Variants in PCCA observed in about 807,000 individuals in gnomAD.
PCCA encodes propionyl-CoA carboxylase subunit alpha.
In PCCA, 74 loss-of-function variants were observed where a neutral mutation model predicts 101.3. The ratio of observed to expected loss-of-function variants is 0.73; its 90% CI spans 0.61 to 0.89. The LOEUF (loss-of-function observed/expected upper bound fraction) is 0.89, where lower values mean the gene tolerates loss of function less well. PCCA is among the 40% of genes least tolerant of loss of function. The pLI, the probability that PCCA is intolerant of heterozygous loss-of-function variation, is 0.00. For missense variants in PCCA, 891 were observed against 907.0 expected (o/e 0.98, Z 0.23); for synonymous variants, 294 against 313.6 (o/e 0.94, Z 0.66).
intron 4 of PCCA, among the ~76,000 whole-genome samples, chr13:100,116,743 T>C (rs574095503): frequency 6.6e-6 from 1 of 152,340 alleles, no homozygotes; most frequent in South Asian, 2.1e-4. Flanking sequence ...TTAGGGTAGA[T>C]AAGGAGTTGG....
chr13:100,273,373 T>C (rs1566840561), intron 12 of PCCA, 27 bp downstream of exon 12: 1 of 1,580,654 alleles, frequency 6.3e-7, no homozygotes, highest in East Asian at 2.2e-5. Flanking sequence ...TTTATTCCTC[T>C]CCATGCCTCT....
chr13:100,254,096 A>G (rs559009632), intron 8 of PCCA, among the ~76,000 whole-genome samples: 99 of 152,220 alleles, frequency 6.5e-4, no homozygotes, highest in African/African-American at 2.3e-3. Flanking sequence ...ATGTCTTAAC[A>G]TGGCACCAGG....
chr13:100,096,638 G>A (rs569142762), intron 1 of PCCA, among the ~76,000 whole-genome samples: 2 of 152,296 alleles, frequency 1.3e-5, no homozygotes, highest in African/African-American at 2.4e-5. Flanking sequence ...AATTGTAAAT[G>A]CAAAGGAAAA....
At chr13:100,283,648 G>C (rs895924629) in intron 12 of PCCA, among the ~76,000 whole-genome samples, 13 of 152,208 alleles carry the variant, frequency 8.5e-5, no homozygotes, top group African/African-American at 3.1e-4. Flanking sequence ...ATTAAACCTG[G>C]CAACCTCGGT....
At chr13:100,511,036 C>T (rs1015411831) in intron 21 of PCCA, among the ~76,000 whole-genome samples, 17 of 152,116 alleles carry the variant, frequency 1.1e-4, no homozygotes, top group African/African-American at 3.9e-4. Context: ...GCGATTGGGC[C>T]CTGTGCAGAA....
chr13:100,355,193 T>C (rs1375046023), intron 18 of PCCA, among the ~76,000 whole-genome samples: 1 of 151,076 alleles, frequency 6.6e-6, no homozygotes, highest in Non-Finnish European at 1.5e-5. Context: ...ATTAATAGAA[T>C]AAGAGAAAAA....
At chr13:100,138,705 C>T (rs573637758) in intron 4 of PCCA, among the ~76,000 whole-genome samples, 241 of 152,026 alleles carry the variant, frequency 1.6e-3, no homozygotes, top group African/African-American at 5.5e-3. Flanking sequence ...GAGGCCGAAG[C>T]GGGTGGATCA....
intron 19 of PCCA, among the ~76,000 whole-genome samples, chr13:100,385,804 G>T (rs561302240): frequency 1.2e-4 from 18 of 152,226 alleles, no homozygotes; most frequent in African/African-American, 3.9e-4. Context: ...TAGAGACAGG[G>T]TTTCACCATG....
chr13:100,527,533 T>C, intron 22 of PCCA, 142 bp from the exon 23 acceptor site: 2 of 700,002 alleles, frequency 2.9e-6, no homozygotes, highest in Admixed American at 2.0e-5. Flanking sequence ...GAGCTTGGAA[T>C]AGGAAACATT....
At chr13:100,515,682 C>A in intron 22 of PCCA, 115 bp downstream of exon 22, 1 of 1,209,284 alleles carries the variant, frequency 8.3e-7, no homozygotes, top group Non-Finnish European at 1.2e-6. Flanking sequence ...TTAACCGACG[C>A]CCCCTAAACA....
intron 20 of PCCA, among the ~76,000 whole-genome samples, chr13:100,441,143 C>G (rs1405978019): frequency 6.6e-6 from 1 of 152,164 alleles, no homozygotes; most frequent in Non-Finnish European, 1.5e-5. Context: ...CTTCCCACAC[C>G]CCCACACATA....
intron 20 of PCCA, among the ~76,000 whole-genome samples, chr13:100,435,137 T>A: frequency 6.6e-6 from 1 of 152,224 alleles, no homozygotes; most frequent in East Asian, 1.9e-4. Context: ...CGGGTTTAAA[T>A]GGCTCATGGT....
At chr13:100,451,226 A>C (rs1439602153) in intron 21 of PCCA, among the ~76,000 whole-genome samples, 4 of 152,116 alleles carry the variant, frequency 2.6e-5, no homozygotes, top group Non-Finnish European at 5.9e-5. Context: ...CTCATCTAAA[A>C]ATATCTTCGA....
chr13:100,310,993 T>C (rs2066868326), intron 16 of PCCA, among the ~76,000 whole-genome samples: 1 of 152,046 alleles, frequency 6.6e-6, no homozygotes, highest in African/African-American at 2.4e-5. Flanking sequence ...CCTAGCACTT[T>C]GGGAGGCTGA....
At chr13:100,200,599 G>A (rs1026899069) in intron 6 of PCCA, among the ~76,000 whole-genome samples, 8 of 150,464 alleles carry the variant, frequency 5.3e-5, no homozygotes, top group Non-Finnish European at 1.2e-4. Flanking sequence ...TGTTATATAT[G>A]TATATTGCTT....
At chr13:100,470,170 G>A (rs1398984210) in intron 21 of PCCA, among the ~76,000 whole-genome samples, 2 of 152,144 alleles carry the variant, frequency 1.3e-5, no homozygotes, top group Non-Finnish European at 1.5e-5. Flanking sequence ...GGGTGAACAC[G>A]TCAATCAGCT....
At chr13:100,212,746 A>G (rs1322632979) in intron 7 of PCCA, among the ~76,000 whole-genome samples, 1 of 152,064 alleles carries the variant, frequency 6.6e-6, no homozygotes, top group African/African-American at 2.4e-5. Flanking sequence ...ACTTTTAGTT[A>G]TTTAAAAATG....
chr13:100,390,509 A>AG (rs2076749220), intron 19 of PCCA, among the ~76,000 whole-genome samples: 3 of 152,176 alleles, frequency 2.0e-5, no homozygotes, highest in Admixed American at 6.5e-5. Flanking sequence ...AAAAGGGAAG[A>AG]GGACCAAGAA....
intron 21 of PCCA, among the ~76,000 whole-genome samples, chr13:100,496,658 T>G (rs974828780): frequency 2.0e-5 from 3 of 152,192 alleles, no homozygotes; most frequent in Non-Finnish European, 4.4e-5. Flanking sequence ...TCCATTTATC[T>G]GGTAAAGGAA....
Sources: allele counts gnomAD v4.1 joint callset (sites outside exome capture counted in the v4.1 genomes callset), GRCh38; gene constraint gnomAD v4.1.1; transcripts MANE v1.5; gene names NCBI Gene and HGNC (gene_info 2026-07-23, HGNC 2026-07-21).